The following FHIT variants were observed in gnomAD, a reference collection of about 807,000 sequenced individuals.
FHIT encodes bis(5'-adenosyl)-triphosphatase.
FHIT carries 19 observed loss-of-function variants against 17.9 expected under a neutral mutation model. That is an observed-to-expected ratio of 1.06 (90% CI 0.74 to 1.56). FHIT has a LOEUF of 1.56. FHIT is among the 40% of genes most tolerant of loss of function. The pLI, the probability that FHIT is intolerant of heterozygous loss-of-function variation, is 0.00. For missense variants in FHIT, 248 were observed against 189.2 expected, an observed-to-expected ratio of 1.31 and a Z score of -1.82; for synonymous variants, 81 against 69.7, an observed-to-expected ratio of 1.16 and a Z score of -0.81.
At chr3:60,074,267 C>A (rs1299674164) in intron 5 of FHIT, among the ~76,000 whole-genome samples, 1 of 151,940 alleles carries the variant, frequency 6.6e-6, no homozygotes, top group Non-Finnish European at 1.5e-5. Flanking sequence ...ACTGATGCAC[C>A]CATACAAATG....
At chr3:60,975,119 G>A (rs1024493344) in intron 3 of FHIT, among the ~76,000 whole-genome samples, 1 of 152,132 alleles carries the variant, frequency 6.6e-6, no homozygotes, top group Non-Finnish European at 1.5e-5. Flanking sequence ...AAGTGGACAC[G>A]AATTCAAGCA....
chr3:60,094,195 T>C (rs1243373385), intron 5 of FHIT, among the ~76,000 whole-genome samples: 3 of 152,244 alleles, frequency 2.0e-5, no homozygotes, highest in African/African-American at 7.2e-5. Context: ...ATTCATTTTG[T>C]TACATTTTTT....
chr3:60,562,223 A>G (rs1296774721), intron 4 of FHIT, among the ~76,000 whole-genome samples: 3 of 152,200 alleles, frequency 2.0e-5, no homozygotes, highest in Non-Finnish European at 2.9e-5. Context: ...TACATTAAAC[A>G]CTGCCCTTTT....
At position 60,914,447 on chromosome 3, in the gene FHIT, G is replaced by A. The variant is rs562519572; in HGVS notation, c.-110-92436C>T. 4.6e-5 allele frequency among the ~76,000 whole-genome samples: 7 copies of A among 151,968 alleles called. No homozygotes were observed. In the South Asian group the frequency reaches 1.0e-3, roughly 23 times the overall value. ...TTCAGAAGAGAGAATGGAAGGGGAG[G>A]AGAATGGCCATGGAAGGACGGTTGT... On this transcript the variant is annotated intron_variant, in intron 3 of 9. Transcript: ENST00000492590.
intron 4 of FHIT, among the ~76,000 whole-genome samples, chr3:60,582,625 TA>T (rs34327357): frequency 0.12 from 18,148 of 151,100 alleles, 1,692 homozygotes; most frequent in East Asian, 0.38. Context: ...GTATTTGGGA[TA>T]AAAAAAAATG....
At chr3:60,848,820 T>G (rs1703029626) in intron 3 of FHIT, among the ~76,000 whole-genome samples, 1 of 152,166 alleles carries the variant, frequency 6.6e-6, no homozygotes, top group Non-Finnish European at 1.5e-5. Context: ...ATGGATTTTT[T>G]TTCCAAGAAA....
intron 5 of FHIT, among the ~76,000 whole-genome samples, chr3:60,265,819 G>A (rs1413435166): frequency 2.0e-5 from 3 of 151,766 alleles, no homozygotes; most frequent in Non-Finnish European, 4.4e-5. Context: ...ATACGCAAAT[G>A]AAAAGATACT....
At chr3:60,841,695 A>G (rs1278757288) in intron 3 of FHIT, among the ~76,000 whole-genome samples, 9 of 152,194 alleles carry the variant, frequency 5.9e-5, no homozygotes, top group African/African-American at 1.9e-4. Flanking sequence ...CAAATGAAGG[A>G]TTTAAAATTC....
chr3:60,307,086 C>G (rs1174884099), intron 5 of FHIT, among the ~76,000 whole-genome samples: 1 of 152,138 alleles, frequency 6.6e-6, no homozygotes, highest in Non-Finnish European at 1.5e-5. Flanking sequence ...CCCCACACAA[C>G]AAAACTGAGA....
At chr3:60,876,564 T>A (rs115345286) in intron 3 of FHIT, among the ~76,000 whole-genome samples, 1 of 152,334 alleles carries the variant, frequency 6.6e-6, no homozygotes, top group East Asian at 1.9e-4. Flanking sequence ...TTGTTAAATG[T>A]GTAAAGTTAT....
At chr3:60,673,938 T>G (rs2040565470) in intron 4 of FHIT, among the ~76,000 whole-genome samples, 1 of 152,174 alleles carries the variant, frequency 6.6e-6, no homozygotes, top group Non-Finnish European at 1.5e-5. Flanking sequence ...ACCTGTAGTT[T>G]GATTTTTTCA....
chr3:60,475,354 T>C (rs1237885156), intron 5 of FHIT, among the ~76,000 whole-genome samples: 2 of 152,208 alleles, frequency 1.3e-5, no homozygotes, highest in Non-Finnish European at 2.9e-5. Flanking sequence ...AAACATTCTT[T>C]CCCTATTCAA....
At chr3:60,570,407 G>C (rs980462082) in intron 4 of FHIT, among the ~76,000 whole-genome samples, 1 of 152,146 alleles carries the variant, frequency 6.6e-6, no homozygotes, top group Non-Finnish European at 1.5e-5. Flanking sequence ...AGCATCCTCT[G>C]AGAGTATGTA....
intron 5 of FHIT, among the ~76,000 whole-genome samples, chr3:60,237,704 G>A (rs1398354095): frequency 6.6e-6 from 1 of 152,108 alleles, no homozygotes; most frequent in African/African-American, 2.4e-5. Flanking sequence ...GTTTTCCACT[G>A]TTATTGCTTC....
chr3:60,339,175 C>T (rs1364996523), intron 5 of FHIT, among the ~76,000 whole-genome samples: 12 of 151,996 alleles, frequency 7.9e-5, no homozygotes, highest in African/African-American at 2.9e-4. Context: ...GTGATTTTTG[C>T]TCTTTGATCT....
At chr3:59,868,821 C>CA (rs1280285624) in intron 8 of FHIT, among the ~76,000 whole-genome samples, 1 of 152,086 alleles carries the variant, frequency 6.6e-6, no homozygotes, top group Non-Finnish European at 1.5e-5. Flanking sequence ...TCAGTGAGCC[C>CA]ACATTGAAGA....
chr3:60,815,488 T>C lies in FHIT; in HGVS notation c.-18+6431A>G, dbSNP rs528897897. ...AGTTATCCCAGCGCCATTTATTAAATAAGGAAACCTTTCTCCATTGCTTTT... is the reference window on the plus strand; with the variant it reads ...AGTTATCCCAGCGCCATTTATTAAACAAGGAAACCTTTCTCCATTGCTTTT... On this transcript the variant is annotated intron_variant, in intron 4 of 9. Coordinates refer to ENST00000492590, the MANE Select transcript of FHIT (RefSeq NM_002012.4). Among the ~76,000 whole-genome samples, 5 of 152,250 alleles carry C rather than the reference T, an allele frequency of 3.3e-5. No homozygotes were observed. The South Asian group carries it at 1.0e-3, about 32-fold the overall frequency.
intron 5 of FHIT, among the ~76,000 whole-genome samples, chr3:60,303,145 C>A (rs976032673): frequency 6.6e-6 from 1 of 152,112 alleles, no homozygotes. Context: ...ATCAAACACA[C>A]CCTGAAGTAA....
intron 5 of FHIT, among the ~76,000 whole-genome samples, chr3:60,392,208 T>C (rs1307344923): frequency 1.3e-5 from 2 of 152,160 alleles, no homozygotes; most frequent in African/African-American, 4.8e-5. Flanking sequence ...TTTGAAAAGA[T>C]CCCGTATCAG....
Sources: gnomAD v4.1 joint callset for allele counts (sites outside exome capture counted in the v4.1 genomes callset) on GRCh38, gnomAD v4.1.1 for gene constraint, MANE v1.5 for transcripts, NCBI Gene and HGNC (gene_info 2026-07-23, HGNC 2026-07-21) for gene names.